The following MAP4K4 variants were observed in gnomAD, a reference collection of about 807,000 sequenced individuals.
MAP4K4 encodes the protein mitogen-activated protein kinase kinase kinase kinase 4.
A neutral mutation model predicts 189.6 loss-of-function variants in MAP4K4; 38 were observed. The observed-to-expected ratio is 0.20, with a 90% CI of 0.15 to 0.26. The LOEUF (loss-of-function observed/expected upper bound fraction) is 0.26. Ranked by LOEUF, MAP4K4 falls within the 10% of genes least tolerant of loss-of-function variation. The probability of loss-of-function intolerance (pLI) is 1.00; values close to 1 mark genes in which losing one functional copy is unlikely to be tolerated. For synonymous variants in MAP4K4, 610 were observed against 624.3 expected (o/e 0.98, Z 0.34); for missense variants, 1,054 against 1,726.9 (o/e 0.61, Z 6.91).
At position 101,697,963 on chromosome 2, in the gene MAP4K4, T is replaced by A. The variant is rs1161034335; in HGVS notation, c.-118T>A. 6.0e-5 allele frequency: 30 copies of A among 503,036 alleles called. No homozygotes were observed. In the South Asian group the frequency reaches 8.6e-4, roughly 14 times the overall value. The allele number at this position is 503,036 out of a possible 1,614,324, so 31.2% of individuals were successfully genotyped here. A position where few individuals can be genotyped will look rare whatever the true frequency, so the allele number is the denominator to read the frequency against. ...GCCGCCCGCGGCCCCGCGAGGAGAGTACCGGGCCGGCTCGGCTGCCGCGCG... is the reference window on the plus strand; with the variant it reads ...GCCGCCCGCGGCCCCGCGAGGAGAGAACCGGGCCGGCTCGGCTGCCGCGCG... On this transcript the variant is annotated 5_prime_UTR_variant, in exon 1 of 33. Transcript: ENST00000324219.
intron 10 of MAP4K4, among the ~76,000 whole-genome samples, chr2:101,842,139 C>T (rs1459017156): frequency 6.6e-6 from 1 of 152,194 alleles, no homozygotes; most frequent in Non-Finnish European, 1.5e-5. Context: ...TTGTGTCCAT[C>T]TCCCAGGCTT....
intron 10 of MAP4K4, among the ~76,000 whole-genome samples, chr2:101,841,635 G>A (rs1428618327): frequency 6.6e-6 from 1 of 151,950 alleles, no homozygotes; most frequent in East Asian, 1.9e-4. Flanking sequence ...CACCCGGCTG[G>A]TTTTTGTATT....
intron 2 of MAP4K4, among the ~76,000 whole-genome samples, chr2:101,740,409 C>T: frequency 1.3e-5 from 2 of 149,324 alleles, no homozygotes; most frequent in African/African-American, 2.6e-5. Flanking sequence ...CCGCCTCGGC[C>T]TCCCAAAGTG....
intron 2 of MAP4K4, among the ~76,000 whole-genome samples, chr2:101,745,622 A>G (rs1461957125): frequency 6.6e-6 from 1 of 152,068 alleles, no homozygotes; most frequent in East Asian, 1.9e-4. Context: ...TTGGGGGCCC[A>G]TTTAGAGCAT....
At chr2:101,709,423 G>A (rs1559038027) in intron 2 of MAP4K4, among the ~76,000 whole-genome samples, 2 of 152,152 alleles carry the variant, frequency 1.3e-5, no homozygotes, top group South Asian at 4.1e-4. Flanking sequence ...GGCTAGTCTC[G>A]AACTCCTCAC....
intron 18 of MAP4K4, among the ~76,000 whole-genome samples, 200 bp downstream of exon 18, chr2:101,865,236 G>C (rs540517052): frequency 1.8e-4 from 27 of 152,330 alleles, no homozygotes; most frequent in Admixed American, 1.6e-3. Context: ...TTTGAATCCG[G>C]ATGTGTATTA....
At chr2:101,882,523 T>A in intron 27 of MAP4K4, 28 bp from the exon 28 acceptor site, 8 of 1,528,810 alleles carry the variant, frequency 5.2e-6, no homozygotes, top group Non-Finnish European at 7.0e-6. Context: ...TGGATATGCA[T>A]GTAAAATATT....
At chr2:101,722,704 A>G (rs1252506326) in intron 2 of MAP4K4, among the ~76,000 whole-genome samples, 1 of 152,212 alleles carries the variant, frequency 6.6e-6, no homozygotes, top group Non-Finnish European at 1.5e-5. Flanking sequence ...TAACTTTACT[A>G]GAGGTCACTT....
chr2:101,794,851 G>T (rs758146958), intron 3 of MAP4K4, among the ~76,000 whole-genome samples: 3 of 152,002 alleles, frequency 2.0e-5, no homozygotes, highest in Non-Finnish European at 4.4e-5. Flanking sequence ...ACTTTTGTAA[G>T]AATTTAGCCA....
intron 3 of MAP4K4, among the ~76,000 whole-genome samples, chr2:101,820,145 T>C (rs1318700219): frequency 6.6e-6 from 1 of 152,174 alleles, no homozygotes; most frequent in East Asian, 1.9e-4. Context: ...AAGAAAAAAA[T>C]ATAAATGGAA....
chr2:101,881,290 A>G (rs1264334977), intron 27 of MAP4K4, among the ~76,000 whole-genome samples: 1 of 152,206 alleles, frequency 6.6e-6, no homozygotes, highest in Non-Finnish European at 1.5e-5. Context: ...GCTGGTATAC[A>G]GGAAATACAG....
chr2:101,867,759 A>G (rs2097857987), intron 20 of MAP4K4: 1 of 468,116 alleles, frequency 2.1e-6, no homozygotes, highest in Non-Finnish European at 3.8e-6. Flanking sequence ...TCACCTTCTT[A>G]AACTCACTGG....
chr2:101,810,310 A>G (rs1239162720), intron 3 of MAP4K4, among the ~76,000 whole-genome samples: 1 of 152,222 alleles, frequency 6.6e-6, no homozygotes, highest in African/African-American at 2.4e-5. Context: ...TTTTTTAAAT[A>G]CAGGTAATCA....
chr2:101,773,704 C>CT (rs910842293), intron 2 of MAP4K4, among the ~76,000 whole-genome samples: 40 of 152,110 alleles, frequency 2.6e-4, no homozygotes, highest in Admixed American at 2.0e-3. Flanking sequence ...TTCTAACTAT[C>CT]TTTTTTGTAC....
At chr2:101,763,251 C>T (rs2077232653) in intron 2 of MAP4K4, among the ~76,000 whole-genome samples, 1 of 152,196 alleles carries the variant, frequency 6.6e-6, no homozygotes, top group African/African-American at 2.4e-5. Context: ...TACTTACCTA[C>T]CACACCAGCC....
intron 3 of MAP4K4, 54 bp from the exon 4 acceptor site, chr2:101,823,874 A>C: frequency 6.7e-7 from 1 of 1,494,080 alleles, no homozygotes; most frequent in Non-Finnish European, 9.0e-7. Context: ...TGGGGGAAGT[A>C]AAGTCATTCA....
intron 2 of MAP4K4, among the ~76,000 whole-genome samples, chr2:101,771,359 A>G (rs961579208): frequency 6.6e-6 from 1 of 152,212 alleles, no homozygotes; most frequent in Non-Finnish European, 1.5e-5. Flanking sequence ...GCCAGGATCT[A>G]AAGTGAGATG....
chr2:101,711,554 CTTG>C (rs2045562861), intron 2 of MAP4K4, among the ~76,000 whole-genome samples: 1 of 152,118 alleles, frequency 6.6e-6, no homozygotes, highest in Non-Finnish European at 1.5e-5. Context: ...TGGGCCTGGC[CTTG>C]CTCTTTGATA....
intron 2 of MAP4K4, among the ~76,000 whole-genome samples, chr2:101,727,867 G>A (rs2056410473): frequency 6.6e-6 from 1 of 152,176 alleles, no homozygotes; most frequent in Admixed American, 6.5e-5. Context: ...TACTCGGGAG[G>A]TTGAGGCAGG....
Sources: allele counts gnomAD v4.1 joint callset (sites outside exome capture counted in the v4.1 genomes callset), GRCh38; gene constraint gnomAD v4.1.1; transcripts MANE v1.5; gene names NCBI Gene and HGNC (gene_info 2026-07-23, HGNC 2026-07-21).